The following FHIT variants were observed in gnomAD, a reference collection of about 807,000 sequenced individuals.
FHIT encodes fragile histidine triad diadenosine triphosphatase, also known as bis(5'-adenosyl)-triphosphatase.
FHIT carries 19 observed loss-of-function variants against 17.9 expected under a neutral mutation model. The observed-to-expected ratio is 1.06, with a 90% CI of 0.74 to 1.56. The LOEUF is 1.56. Among genes scored for constraint, FHIT ranks in the 40% most tolerant of loss-of-function variants. FHIT has a pLI of 0.00. For missense variants in FHIT, 248 were observed against 189.2 expected (o/e 1.31, Z -1.82); for synonymous variants, 81 against 69.7 (o/e 1.16, Z -0.81).
At chr3:61,056,394 A>G (rs913908160) in intron 2 of FHIT, among the ~76,000 whole-genome samples, 2 of 152,248 alleles carry the variant, frequency 1.3e-5, no homozygotes, top group Non-Finnish European at 2.9e-5. Flanking sequence ...TGTGAGGCAT[A>G]AATAAACCTA....
chr3:60,751,566 AC>A (rs2042467486), intron 4 of FHIT, among the ~76,000 whole-genome samples: 1 of 152,230 alleles, frequency 6.6e-6, no homozygotes, highest in African/African-American at 2.4e-5. Flanking sequence ...AGAAATTCAA[AC>A]AAAAATTACA....
chr3:60,749,174 C>G (rs903092301), intron 4 of FHIT, among the ~76,000 whole-genome samples: 3 of 152,154 alleles, frequency 2.0e-5, no homozygotes, highest in African/African-American at 7.2e-5. Context: ...CTATAAAACT[C>G]CCCCAGAGAG....
intron 5 of FHIT, among the ~76,000 whole-genome samples, chr3:60,254,787 A>C (rs1705902526): frequency 6.6e-6 from 1 of 152,176 alleles, no homozygotes; most frequent in African/African-American, 2.4e-5. Context: ...AGTAATCTTT[A>C]AGTGGAAATA....
chr3:60,319,775 T>G (rs538200788), intron 5 of FHIT, among the ~76,000 whole-genome samples: 2 of 152,308 alleles, frequency 1.3e-5, no homozygotes, highest in Admixed American at 1.3e-4. Flanking sequence ...GGTTGCACTG[T>G]AATTACCATA....
At chr3:60,250,520 T>A (rs928648773) in intron 5 of FHIT, among the ~76,000 whole-genome samples, 3 of 152,170 alleles carry the variant, frequency 2.0e-5, no homozygotes, top group Admixed American at 2.0e-4. Flanking sequence ...TAAAGCTTCC[T>A]AAGAAACAGG....
At chr3:59,785,681 A>C (rs779953968) in intron 8 of FHIT, among the ~76,000 whole-genome samples, 4 of 152,188 alleles carry the variant, frequency 2.6e-5, no homozygotes, top group Non-Finnish European at 4.4e-5. Flanking sequence ...GAAGAAACAT[A>C]AATAGTAGTA....
At chr3:60,199,288 T>A (rs1164405852) in intron 5 of FHIT, among the ~76,000 whole-genome samples, 1 of 152,180 alleles carries the variant, frequency 6.6e-6, no homozygotes, top group Admixed American at 6.5e-5. Context: ...CATGAAACTG[T>A]CATACTATAT....
rs1367885443 is a variant in FHIT at position 60,003,247 on chromosome 3, T to C, written c.279+8124A>G. 2.0e-5 allele frequency among the ~76,000 whole-genome samples: 3 copies of C among 152,224 alleles called. No individual in the cohort carries two copies. The East Asian group carries it at 5.8e-4, about 29-fold the overall frequency. On this transcript the variant is annotated intron_variant, in intron 7 of 9. Coordinates refer to ENST00000492590, the MANE Select transcript of FHIT (RefSeq NM_002012.4). ...CTCCACCCAGAGGCAGTAAGAATGT[T>C]ATCTGTGTCCTTCCTTCTAAGCCAT...
At chr3:61,143,475 T>C (rs2037142078) in intron 2 of FHIT, among the ~76,000 whole-genome samples, 1 of 152,138 alleles carries the variant, frequency 6.6e-6, no homozygotes, top group African/African-American at 2.4e-5. Context: ...TTCTAAACAG[T>C]TATGGTGCTG....
At chr3:59,812,407 G>T (rs1473775360) in intron 8 of FHIT, among the ~76,000 whole-genome samples, 1 of 152,156 alleles carries the variant, frequency 6.6e-6, no homozygotes, top group Non-Finnish European at 1.5e-5. Flanking sequence ...GGAAGAAGTC[G>T]GCACACTCAG....
intron 4 of FHIT, among the ~76,000 whole-genome samples, chr3:60,792,893 G>A (rs536961085): frequency 6.6e-6 from 1 of 150,776 alleles, no homozygotes; most frequent in African/African-American, 2.4e-5. Context: ...AGCCCCAGAA[G>A]TTGTTAAGAA....
At chr3:60,465,892 G>A (rs932466324) in intron 5 of FHIT, among the ~76,000 whole-genome samples, 5 of 151,868 alleles carry the variant, frequency 3.3e-5, no homozygotes, top group African/African-American at 1.2e-4. Context: ...TTATGTAAAT[G>A]CTAAGATTAT....
At chr3:60,375,681 G>C (rs558479391) in intron 5 of FHIT, among the ~76,000 whole-genome samples, 1 of 152,134 alleles carries the variant, frequency 6.6e-6, no homozygotes, top group East Asian at 1.9e-4. Flanking sequence ...GTTAGTTGTA[G>C]TTACTTTCAT....
intron 5 of FHIT, among the ~76,000 whole-genome samples, chr3:60,414,951 C>A (rs763887297): frequency 6.6e-6 from 1 of 152,102 alleles, no homozygotes; most frequent in Non-Finnish European, 1.5e-5. Flanking sequence ...TAGCTCTCAA[C>A]TTTAGTCTTC....
intron 5 of FHIT, among the ~76,000 whole-genome samples, chr3:60,367,331 C>G (rs913488401): frequency 6.6e-6 from 1 of 152,152 alleles, no homozygotes; most frequent in Non-Finnish European, 1.5e-5. Context: ...GCTAACACTC[C>G]TCAAAGTACC....
chr3:59,831,952 G>A (rs575559113), intron 8 of FHIT, among the ~76,000 whole-genome samples: 2 of 152,246 alleles, frequency 1.3e-5, no homozygotes, highest in African/African-American at 4.8e-5. Context: ...ATAGTCAGCA[G>A]AGCAAATGGG....
At chr3:61,039,617 A>G (rs996542958) in intron 3 of FHIT, among the ~76,000 whole-genome samples, 2 of 151,994 alleles carry the variant, frequency 1.3e-5, no homozygotes, top group African/African-American at 4.8e-5. Context: ...AAAACCAAAC[A>G]CCACATGTTC....
intron 5 of FHIT, among the ~76,000 whole-genome samples, chr3:60,182,549 G>A (rs929424230): frequency 1.3e-5 from 2 of 151,890 alleles, no homozygotes; most frequent in African/African-American, 4.8e-5. Context: ...GGCTGAGGCA[G>A]GCAGACAGCT....
intron 5 of FHIT, among the ~76,000 whole-genome samples, chr3:60,362,878 C>A (rs953587676): frequency 6.6e-6 from 1 of 152,092 alleles, no homozygotes; most frequent in African/African-American, 2.4e-5. Flanking sequence ...CAAAAAGGCC[C>A]GTGTCAGAGA....
Sources: allele counts gnomAD v4.1 joint callset (sites outside exome capture counted in the v4.1 genomes callset), GRCh38; gene constraint gnomAD v4.1.1; transcripts MANE v1.5; gene names NCBI Gene and HGNC (gene_info 2026-07-23, HGNC 2026-07-21).